Variants in LINGO1 observed in about 807,000 individuals in gnomAD.
LINGO1 encodes leucine rich repeat and Ig domain containing 1, also known as leucine-rich repeat and immunoglobulin-like domain-containing nogo receptor-interacting protein 1.
A neutral mutation model predicts 37.3 loss-of-function variants in LINGO1; 11 were observed. The ratio of observed to expected loss-of-function variants is 0.29; its 90% CI spans 0.19 to 0.49. The LOEUF (loss-of-function observed/expected upper bound fraction) is 0.49. LINGO1 is among the 20% of genes least tolerant of loss of function. The pLI is 0.99. For missense variants in LINGO1, 585 were observed against 878.2 expected (o/e 0.67, Z 4.22); for synonymous variants, 387 against 403.0 (o/e 0.96, Z 0.48).
intron 1 of LINGO1, among the ~76,000 whole-genome samples, chr15:77,695,607 C>A (rs1351328621): frequency 6.6e-6 from 1 of 152,242 alleles, no homozygotes; most frequent in Non-Finnish European, 1.5e-5. Context: ...AGGTCAGGCC[C>A]TGTGGGCCAG....
intron 1 of LINGO1, among the ~76,000 whole-genome samples, chr15:77,763,350 T>C (rs12908030): frequency 0.57 from 86,477 of 152,000 alleles, 25,376 homozygotes; most frequent in African/African-American, 0.72. Flanking sequence ...TGAGAAGGGG[T>C]TGGGGATGGG....
intron 1 of LINGO1, among the ~76,000 whole-genome samples, chr15:77,769,385 C>A (rs1315657107): frequency 6.6e-6 from 1 of 152,214 alleles, no homozygotes; most frequent in Admixed American, 6.5e-5. Flanking sequence ...GCCAAGGTCC[C>A]CCCCCAGCCT....
At chr15:77,695,251 C>T (rs368534796) in intron 1 of LINGO1, among the ~76,000 whole-genome samples, 2 of 152,242 alleles carry the variant, frequency 1.3e-5, no homozygotes, top group East Asian at 3.9e-4. Flanking sequence ...AAGTGCCAGG[C>T]AGTTCGAAGA....
intron 3 of LINGO1, among the ~76,000 whole-genome samples, chr15:77,664,232 C>T (rs1047540339): frequency 2.0e-5 from 3 of 151,364 alleles, no homozygotes; most frequent in African/African-American, 7.3e-5. Context: ...AGGGAGGAGG[C>T]TTGCTGAAAG....
At chr15:77,717,334 A>AG (rs1181744305) in intron 2 of LINGO1, among the ~76,000 whole-genome samples, 1 of 150,616 alleles carries the variant, frequency 6.6e-6, no homozygotes, top group African/African-American at 2.4e-5. Flanking sequence ...AGTGGAGGTG[A>AG]GGGGGGGCAG....
chr15:77,639,952 CCACT>C (rs1329535510), intron 3 of LINGO1, among the ~76,000 whole-genome samples: 1 of 152,152 alleles, frequency 6.6e-6, no homozygotes, highest in Non-Finnish European at 1.5e-5. Flanking sequence ...AGTGTGTTAT[CCACT>C]CACTCAGCAA....
At chr15:77,712,002 G>A (rs1454399405) in intron 2 of LINGO1, among the ~76,000 whole-genome samples, 1 of 152,124 alleles carries the variant, frequency 6.6e-6, no homozygotes, top group East Asian at 1.9e-4. Flanking sequence ...CATCTACAGT[G>A]GTTCTGTCCC....
intron 3 of LINGO1, among the ~76,000 whole-genome samples, chr15:77,653,161 G>T (rs1383109374): frequency 6.6e-6 from 1 of 152,224 alleles, no homozygotes; most frequent in Non-Finnish European, 1.5e-5. Flanking sequence ...TTGTGGTTTT[G>T]GACTCAAGGT....
intron 3 of LINGO1, among the ~76,000 whole-genome samples, chr15:77,660,524 C>T (rs1292472527): frequency 1.3e-5 from 2 of 152,228 alleles, no homozygotes; most frequent in East Asian, 1.9e-4. Context: ...GCAGCAACAG[C>T]TGGGCTCTAT....
intron 2 of LINGO1, among the ~76,000 whole-genome samples, chr15:77,677,387 C>G (rs78501785): frequency 6.6e-6 from 1 of 151,934 alleles, no homozygotes; most frequent in Non-Finnish European, 1.5e-5. Context: ...TGGATCACAC[C>G]CTCAGGAGCA....
At chr15:77,815,595 ACAGTGGCAAGGC>A (rs1199522048) in intron 1 of LINGO1, among the ~76,000 whole-genome samples, 2 of 152,202 alleles carry the variant, frequency 1.3e-5, no homozygotes, top group South Asian at 4.1e-4. Context: ...TGAAGTGCAC[ACAGTGGCAAGGC>A]CAGTATTGGA....
chr15:77,675,322 C>T (rs1045202178), intron 3 of LINGO1, among the ~76,000 whole-genome samples: 1 of 152,152 alleles, frequency 6.6e-6, no homozygotes, highest in African/African-American at 2.4e-5. Flanking sequence ...CACAGATGTG[C>T]AAACCCAGAG....
At chr15:77,702,081 G>C (rs2075791192) in intron 2 of LINGO1, among the ~76,000 whole-genome samples, 1 of 152,178 alleles carries the variant, frequency 6.6e-6, no homozygotes, top group Admixed American at 6.5e-5. Flanking sequence ...GCCCACACTA[G>C]AGCTTCATTC....
rs183654195 is a variant in LINGO1, at chr15:77,643,055, C to T, written c.-12-27155G>A. On this transcript the variant is annotated intron_variant, in intron 3 of 3. Coordinates refer to the LINGO1 transcript ENST00000559893. ...GACTCACACACAGCGCACTCTCTGACAGCCACTGTGGTGTGGTGGTGTGGC... is the reference window on the plus strand; with the variant it reads ...GACTCACACACAGCGCACTCTCTGATAGCCACTGTGGTGTGGTGGTGTGGC... Among the ~76,000 whole-genome samples the T allele has an allele frequency of 3.9e-5, 6 of 152,366 alleles. No homozygotes were observed. In the East Asian group the frequency reaches 7.7e-4, roughly 20 times the overall value.
chr15:77,615,571 G>C lies in LINGO1; in HGVS notation c.336C>G (p.Pro112=). The change falls in exon 2 of 2, where the codon CCC becomes CCG. Residue 112 remains proline (P), a synonymous_variant. Transcript: ENST00000355300. ...LNENIVSAVE[P]GAFNNLFNLR... ...GGTTGAAGAGGTTGTTGAAGGCGCC[G>C]GGCTCCACGGCGCTCACGATGTTCT... The C allele has an allele frequency of 1.2e-6, 2 of 1,611,714 alleles. No individual in the cohort carries two copies. The highest frequency in any genetic ancestry group is 1.7e-6 in the Non-Finnish European group (2 of 1,178,890).
chr15:77,624,807 C>T (rs1291775470), intron 1 of LINGO1, among the ~76,000 whole-genome samples: 2 of 152,126 alleles, frequency 1.3e-5, no homozygotes, highest in Admixed American at 1.3e-4. Flanking sequence ...GGAGCTGTCC[C>T]AGAGCTGAGG....
At chr15:77,757,612 C>G (rs1242634857) in intron 1 of LINGO1, among the ~76,000 whole-genome samples, 6 of 152,174 alleles carry the variant, frequency 3.9e-5, no homozygotes, top group African/African-American at 1.4e-4. Context: ...GGGTTCTATT[C>G]CCTCCATGGA....
chr15:77,747,601 A>G (rs1360390807), intron 1 of LINGO1, among the ~76,000 whole-genome samples: 2 of 152,172 alleles, frequency 1.3e-5, no homozygotes, highest in Non-Finnish European at 2.9e-5. Flanking sequence ...AGATCCCTCA[A>G]TCAAATTAAC....
Position 77,614,483 on chromosome 15 carries a change from G to A in LINGO1, c.1424C>T (p.Thr475Ile), listed in dbSNP as rs1235991319. ...CTCCAGCGTGCCATCAGGGAAGACT[G>A]TGAGCCGCCCATTGCTCTTGGCTGA... ...LVSAKSNGRL[T>I]VFPDGTLEVR... Residue 475 changes from threonine (T) to isoleucine (I), a missense_variant, in exon 2 of 2, where the codon ACA becomes ATA. Physicochemically the swap from Thr to Ile is moderately conservative, Grantham distance 89. Transcript: ENST00000355300. 6.2e-7 allele frequency: 1 copy of A among 1,610,350 alleles called. No homozygotes were observed. The highest frequency in any genetic ancestry group is 8.5e-7 in the Non-Finnish European group (1 of 1,179,758).
Sources: gnomAD v4.1 joint callset for allele counts (sites outside exome capture counted in the v4.1 genomes callset) on GRCh38, gnomAD v4.1.1 for gene constraint, MANE v1.5 for transcripts, NCBI Gene and HGNC (gene_info 2026-07-23, HGNC 2026-07-21) for gene names.